Variants in CKAP2 observed in about 807,000 individuals in gnomAD.
The protein encoded by CKAP2 is cytoskeleton-associated protein 2.
In CKAP2, 46 loss-of-function variants were observed where a neutral mutation model predicts 58.4. The ratio of observed to expected loss-of-function variants is 0.79; its 90% CI spans 0.62 to 1.01. CKAP2 has a LOEUF of 1.01. CKAP2 is among the 50% of genes least tolerant of loss of function. CKAP2 has a pLI of 0.00. For missense variants in CKAP2, 809 were observed against 796.4 expected (o/e 1.02, Z -0.19); for synonymous variants, 293 against 280.9 (o/e 1.04, Z -0.43).
chr13:52,460,217 T>C (rs1958548186), intron 2 of CKAP2, among the ~76,000 whole-genome samples: 1 of 152,160 alleles, frequency 6.6e-6, no homozygotes, highest in Non-Finnish European at 1.5e-5. Context: ...ATGGTAATTT[T>C]TGGATCACTT....
intron 5 of CKAP2, 119 bp downstream of exon 5, chr13:52,462,686 C>A: frequency 1.4e-6 from 1 of 733,490 alleles, no homozygotes; most frequent in Non-Finnish European, 2.2e-6. Context: ...ACTATGTTGA[C>A]TTAACATTAA....
At chr13:52,458,132 T>G (rs1283529241) in intron 2 of CKAP2, among the ~76,000 whole-genome samples, 1 of 152,258 alleles carries the variant, frequency 6.6e-6, no homozygotes, top group East Asian at 1.9e-4. Flanking sequence ...TTTATTTCTT[T>G]GTTTAAGACA....
chr13:52,466,313 G>A (rs1220723046), intron 6 of CKAP2, among the ~76,000 whole-genome samples: 1 of 152,072 alleles, frequency 6.6e-6, no homozygotes, highest in Non-Finnish European at 1.5e-5. Context: ...ACACATTCTT[G>A]GAGATTGTTT....
intron 2 of CKAP2, 30 bp downstream of exon 2, chr13:52,456,637 T>A: frequency 6.6e-7 from 1 of 1,504,078 alleles, no homozygotes; most frequent in Non-Finnish European, 9.2e-7. Flanking sequence ...TTTTCACTTC[T>A]GTAAAATTGT....
chr13:52,472,335 T>A (rs911757272), intron 7 of CKAP2, among the ~76,000 whole-genome samples: 1 of 152,260 alleles, frequency 6.6e-6, no homozygotes, highest in Non-Finnish European at 1.5e-5. Context: ...CCTGTGCTAA[T>A]GCAATGCCTG....
In CKAP2 at chr13:52,476,025, A is replaced by G. The variant is rs1042029499; in HGVS notation, c.*884A>G. 1 of 152,228 alleles carries G rather than the reference A, an allele frequency of 6.6e-6. No homozygotes were observed. Among genetic ancestry groups the G allele is most frequent in the African/African-American group, 2.4e-5 (1 of 41,460 alleles). 9.4% of individuals were successfully genotyped at this position (152,228 alleles called of 1,614,324 possible). ...ACTTGTTTTCTTCCCTATAACATAA[A>G]AAACTTCACTGTTAAGTCATGTCCC... is the stretch of plus-strand genomic sequence containing the variant. On this transcript the variant is annotated 3_prime_UTR_variant, in exon 9 of 9. Coordinates refer to ENST00000258607, the MANE Select transcript of CKAP2 (RefSeq NM_018204.5).
intron 1 of CKAP2, 152 bp downstream of exon 1, chr13:52,455,778 T>G (rs1958467749): frequency 1.0e-6 from 1 of 1,002,440 alleles, no homozygotes; most frequent in South Asian, 2.6e-5. Context: ...CCTGCCTCAT[T>G]CTTGGCCTTG....
At chr13:52,459,560 T>A (rs1958538574) in intron 2 of CKAP2, among the ~76,000 whole-genome samples, 2 of 151,962 alleles carry the variant, frequency 1.3e-5, no homozygotes, top group South Asian at 4.1e-4. Flanking sequence ...TGACCTGAGG[T>A]GATCTGCCCA....
chr13:52,467,406 T>C (rs937152818), intron 6 of CKAP2, among the ~76,000 whole-genome samples: 4 of 152,126 alleles, frequency 2.6e-5, no homozygotes, highest in Non-Finnish European at 5.9e-5. Flanking sequence ...AGTAAAATTA[T>C]GGAGGAAGTT....
At chr13:52,468,614 A>G (rs1375653664) in intron 7 of CKAP2, among the ~76,000 whole-genome samples, 1 of 152,072 alleles carries the variant, frequency 6.6e-6, no homozygotes, top group East Asian at 1.9e-4. Context: ...TGTTCTCATC[A>G]CTTAACTCCC....
At chr13:52,473,343 A>T (rs1245043907) in intron 7 of CKAP2, among the ~76,000 whole-genome samples, 1 of 152,146 alleles carries the variant, frequency 6.6e-6, no homozygotes, top group Admixed American at 6.5e-5. Context: ...ATTACAATCT[A>T]GCTCTTGTTT....
At chr13:52,462,023 T>C (rs1429478388) in intron 4 of CKAP2, 97 bp downstream of exon 4, 5 of 1,186,578 alleles carry the variant, frequency 4.2e-6, no homozygotes, top group Non-Finnish European at 5.7e-6. Flanking sequence ...GAATTTTCTT[T>C]CATGGTTTCT....
Position 52,468,352 on chromosome 13 carries a change from GT to G in CKAP2, c.1546+9del. ...GTCAAGAAAAAGCTAATTTAGGTAAGTTTTAGTTATTTTATTTCCTTCATGT... is the reference window on the plus strand; with the variant it reads ...GTCAAGAAAAAGCTAATTTAGGTAAGTTTAGTTATTTTATTTCCTTCATGT... On this transcript the variant is annotated splice_donor_region_variant and intron_variant, in intron 7 of 8. Transcript: ENST00000258607. The G allele has an allele frequency of 1.3e-6, 2 of 1,548,404 alleles. No individual in the cohort carries two copies. The highest frequency in any genetic ancestry group is 1.8e-6 in the Non-Finnish European group (2 of 1,133,290).
At chr13:52,467,409 A>G (rs1378177380) in intron 6 of CKAP2, among the ~76,000 whole-genome samples, 2 of 152,162 alleles carry the variant, frequency 1.3e-5, no homozygotes, top group Non-Finnish European at 2.9e-5. Context: ...AAAATTATGG[A>G]GGAAGTTTTA....
chr13:52,459,756 A>G (rs1340606750), intron 2 of CKAP2, among the ~76,000 whole-genome samples: 2 of 152,190 alleles, frequency 1.3e-5, no homozygotes, highest in African/African-American at 4.8e-5. Context: ...AATTGTTAAA[A>G]TCACTTGCTA....
intron 7 of CKAP2, among the ~76,000 whole-genome samples, chr13:52,469,341 T>G (rs1454014825): frequency 3.3e-5 from 5 of 152,196 alleles, no homozygotes; most frequent in African/African-American, 1.2e-4. Context: ...GCAGTTTGAC[T>G]AGATATCCAG....
Position 52,461,499 on chromosome 13 carries a change from G to A in CKAP2, c.673G>A (p.Val225Ile), listed in dbSNP as rs368615547. 1.9e-6 allele frequency: 3 copies of A among 1,614,152 alleles called. No individual in the cohort carries two copies. Among genetic ancestry groups the A allele is most frequent in the South Asian group, 1.1e-5 (1 of 91,078 alleles). Reference sequence around the variant, plus strand: ...ACCTCAGCCTGTAAACACCAGCAGTGTAACAGTGAAAAGTAATAGATCCTC... The same window carrying A: ...ACCTCAGCCTGTAAACACCAGCAGTATAACAGTGAAAAGTAATAGATCCTC... Reference protein sequence around the residue: ...TKPQPVNTSSVTVKSNRSSNM... With the variant: ...TKPQPVNTSSITVKSNRSSNM... The change falls in exon 4 of 9, where the codon GTA becomes ATA. Residue 225 changes from valine (V) to isoleucine (I), a missense_variant. Val to Ile is a conservative substitution (Grantham distance 29). Around this residue, in one of 3 missense-constraint regions of CKAP2, gnomAD observed 523 missense variants for 492.4 expected, o/e 1.06. Transcript: ENST00000258607.
At chr13:52,463,184 C>G (rs1362862794) in intron 5 of CKAP2, among the ~76,000 whole-genome samples, 1 of 152,188 alleles carries the variant, frequency 6.6e-6, no homozygotes, top group Non-Finnish European at 1.5e-5. Context: ...GTGATCCACC[C>G]ACCTCGGCCT....
At chr13:52,457,260 T>C (rs1453241313) in intron 2 of CKAP2, among the ~76,000 whole-genome samples, 1 of 152,120 alleles carries the variant, frequency 6.6e-6, no homozygotes, top group Non-Finnish European at 1.5e-5. Context: ...TAAAGCAAAG[T>C]ATGTGCATAG....
Sources: gnomAD v4.1 joint callset for allele counts (sites outside exome capture counted in the v4.1 genomes callset) on GRCh38, gnomAD v4.1.1 for gene constraint, gnomAD v4.1.1 regional missense constraint, MANE v1.5 for transcripts, NCBI Gene and HGNC (gene_info 2026-07-23, HGNC 2026-07-21) for gene names.